The following WDR33 variants were observed in gnomAD, a reference collection of about 807,000 sequenced individuals.
WDR33 encodes the protein pre-mRNA 3' end processing protein WDR33.
Under a neutral mutation model 164.9 loss-of-function variants are expected in WDR33, and 47 were observed. That is an observed-to-expected ratio of 0.29 (90% CI 0.23 to 0.36). The LOEUF (loss-of-function observed/expected upper bound fraction) is 0.36, where lower values mean the gene tolerates loss of function less well. Among genes scored for constraint, WDR33 ranks in the 10% least tolerant of loss-of-function variants. The pLI is 1.00. For synonymous variants in WDR33, 505 were observed against 589.0 expected, an observed-to-expected ratio of 0.86 and a Z score of 2.06; for missense variants, 1,137 against 1,754.1, an observed-to-expected ratio of 0.65 and a Z score of 6.28.
At chr2:127,725,925 A>G (rs1484242225) in intron 8 of WDR33, among the ~76,000 whole-genome samples, 3 of 152,138 alleles carry the variant, frequency 2.0e-5, no homozygotes, top group Non-Finnish European at 2.9e-5. Context: ...ATAAAAATGG[A>G]CTGGAAAGTC....
chr2:127,726,867 GCT>G lies in WDR33; in HGVS notation c.725-92_725-91del. On this transcript the variant is annotated intron_variant, in intron 7 of 21. Transcript: ENST00000322313. This position sits in a 1 kb window ranked among gnomAD's most constrained non-coding sequence, Gnocchi z 4.8. The stretch of plus-strand genomic sequence containing the variant: ...AGTAGAGAAACCTAGTAAATGTTTT[GCT>G]CTCAGTGCTCAGTCAACTTAAAACT... The G allele has an allele frequency of 2.6e-6, 4 of 1,513,514 alleles. No homozygotes were observed. The highest frequency in any genetic ancestry group is 3.6e-6 in the Non-Finnish European group (4 of 1,116,780). The allele number at this position is 1,513,514 out of a possible 1,614,324, so 93.8% of individuals were successfully genotyped here.
intron 7 of WDR33, among the ~76,000 whole-genome samples, chr2:127,749,383 C>T (rs895296732): frequency 1.3e-5 from 2 of 151,992 alleles, no homozygotes; most frequent in African/African-American, 4.8e-5. Context: ...ACCATAAGGG[C>T]AGGTGTGGTG....
rs746876310 is a variant in WDR33 at position 127,708,859 on chromosome 2, C to A, written c.3599G>T (p.Arg1200Leu). 1.3e-6 allele frequency: 2 copies of A among 1,588,990 alleles called. No individual in the cohort carries two copies. Among genetic ancestry groups the A allele is most frequent in the South Asian group, 1.1e-5 (1 of 88,570 alleles). ...PGHEHFRDTP[R>L]PDHPPHDGHS... ...ACCGTCGTGAGGGGGATGATCAGGG[C>A]GGGGAGTATCACGAAAATGTTCATG... Residue 1200 changes from arginine (R) to leucine (L), a missense_variant, in exon 21 of 22, where the codon CGC becomes CTC. This residue lies in a region of WDR33 where 867 missense variants were observed against 1,073.0 expected (regional missense o/e 0.81). Transcript: ENST00000322313. The surrounding 1 kb of genome is among the most constrained non-coding windows in gnomAD (Gnocchi z 6.7).
chr2:127,781,825 C>A (rs1417096888), intron 1 of WDR33, among the ~76,000 whole-genome samples: 1 of 151,360 alleles, frequency 6.6e-6, no homozygotes, highest in Non-Finnish European at 1.5e-5. Flanking sequence ...ATGGAGAAAC[C>A]CCGTCTCTAC....
chr2:127,720,740 T>C lies in WDR33; in HGVS notation c.1672-387A>G, dbSNP rs1558923628. Reference sequence around the variant, plus strand: ...CCACCACACCCAGCTAATTATTATTTGTAGAGACAGGGTCTTGCTATATTG... The same window carrying C: ...CCACCACACCCAGCTAATTATTATTCGTAGAGACAGGGTCTTGCTATATTG... On this transcript the variant is annotated intron_variant, in intron 15 of 21. Transcript: ENST00000322313. The surrounding 1 kb of genome is among the most constrained non-coding windows in gnomAD (Gnocchi z 5.9). 6.6e-6 allele frequency among the ~76,000 whole-genome samples: 1 copy of C among 152,168 alleles called. No homozygotes were observed. The highest frequency in any genetic ancestry group is 2.4e-5 in the African/African-American group (1 of 41,432).
At chr2:127,715,197 T>G (rs1316159968) in intron 17 of WDR33, among the ~76,000 whole-genome samples, 2 of 150,698 alleles carry the variant, frequency 1.3e-5, no homozygotes, top group Non-Finnish European at 1.5e-5. Flanking sequence ...ATTCAAGCGA[T>G]TCTCCTGCTT....
rs1402608517 is a variant in WDR33, at chr2:127,763,919, A to C, written c.627-760T>G. 6.1e-6 allele frequency: 6 copies of C among 985,660 alleles called. No individual in the cohort carries two copies. Among genetic ancestry groups the C allele is most frequent in the Non-Finnish European group, 7.2e-6 (6 of 830,196 alleles). 61.1% of individuals were successfully genotyped at this position (985,660 alleles called of 1,614,324 possible). A position where few individuals can be genotyped will look rare whatever the true frequency, so the allele number is the denominator to read the frequency against. On this transcript the variant is annotated intron_variant, in intron 6 of 21. Coordinates refer to ENST00000322313, the MANE Select transcript of WDR33 (RefSeq NM_018383.5). The surrounding 1 kb of genome is among the most constrained non-coding windows in gnomAD (Gnocchi z 4.5). ...ATGTATGGGCATGACACTAAGGCAA[A>C]ATCTACAAAGCAGAAGCATGTTCAT...
rs537002323 is a variant in WDR33 at position 127,721,339 on chromosome 2, C to T, written c.1671+497G>A. ...ACCATGCTGGTCTCAAACTCCTGATCTCAGGTGATCTGTCTGCCTCGGCCT... is the reference window on the plus strand; with the variant it reads ...ACCATGCTGGTCTCAAACTCCTGATTTCAGGTGATCTGTCTGCCTCGGCCT... On this transcript the variant is annotated intron_variant, in intron 15 of 21. Transcript: ENST00000322313. The surrounding 1 kb of genome is among the most constrained non-coding windows in gnomAD (Gnocchi z 4.9). Among the ~76,000 whole-genome samples, 2 of 152,056 alleles carry T rather than the reference C, an allele frequency of 1.3e-5. No individual in the cohort carries two copies. Among genetic ancestry groups the T allele is most frequent in the South Asian group, 4.2e-4 (2 of 4,812 alleles).
chr2:127,739,186 T>G (rs1351588738), intron 7 of WDR33, among the ~76,000 whole-genome samples: 1 of 152,172 alleles, frequency 6.6e-6, no homozygotes, highest in Non-Finnish European at 1.5e-5. Context: ...GAGGAAATGA[T>G]GAGAGAGCAA....
Position 127,763,337 on chromosome 2 carries a change from A to C in WDR33, c.627-178T>G. ...CTAACATAGGCATCTCATCAAAAGA[A>C]GACTTCAACAGAGCAGTTGTTTGAG... On this transcript the variant is annotated intron_variant, in intron 6 of 21. Coordinates refer to ENST00000322313, the MANE Select transcript of WDR33 (RefSeq NM_018383.5). This position sits in a 1 kb window ranked among gnomAD's most constrained non-coding sequence, Gnocchi z 4.5. 1.4e-6 allele frequency: 2 copies of C among 1,421,926 alleles called. No homozygotes were observed. The highest frequency in any genetic ancestry group is 1.8e-6 in the Non-Finnish European group (2 of 1,089,976). 88.1% of individuals were successfully genotyped at this position (1,421,926 alleles called of 1,614,324 possible).
At chr2:127,761,196 A>G (rs1362515803) in intron 7 of WDR33, among the ~76,000 whole-genome samples, 1 of 151,786 alleles carries the variant, frequency 6.6e-6, no homozygotes, top group African/African-American at 2.4e-5. Flanking sequence ...TTGTTTTAAT[A>G]CTCTAGAATT....
chr2:127,781,552 T>C (rs1014791270), intron 1 of WDR33, among the ~76,000 whole-genome samples: 1 of 152,194 alleles, frequency 6.6e-6, no homozygotes, highest in Non-Finnish European at 1.5e-5. Context: ...CAATTTGTTA[T>C]CATTGGGAGA....
rs2105363236 is a variant in WDR33, at chr2:127,701,475, C to G, written c.*4848G>C. The G allele has an allele frequency of 8.0e-7, 1 of 1,246,194 alleles. No homozygotes were observed. Among genetic ancestry groups the G allele is most frequent in the Non-Finnish European group, 1.0e-6 (1 of 991,786 alleles). 77.2% of individuals were successfully genotyped at this position (1,246,194 alleles called of 1,614,324 possible). Reference sequence around the variant, plus strand: ...CCGCCCGAAGACCGAACCGCTTCAGCGGAGGGCCGGAAGTGAGCCGCAGCT... The same window carrying G: ...CCGCCCGAAGACCGAACCGCTTCAGGGGAGGGCCGGAAGTGAGCCGCAGCT... On this transcript the variant is annotated 3_prime_UTR_variant, in exon 22 of 22. Transcript: ENST00000322313.
rs1172771609 is a variant in WDR33 at position 127,797,537 on chromosome 2, A to ATGAAATGT, written c.-24+13467_-24+13474dup. ...CCAAAAAACCCCTCCAAGCTATATT[A>ATGAAATGT]TGAAATGTTTTAGTGGCTTTTTTTG... On this transcript the variant is annotated intron_variant, in intron 1 of 21. Transcript: ENST00000322313. 1.1e-4 allele frequency among the ~76,000 whole-genome samples: 16 copies of ATGAAATGT among 152,318 alleles called. No individual in the cohort carries two copies. In the South Asian group the frequency reaches 2.9e-3, roughly 28 times the overall value.
In WDR33 at chr2:127,709,774, C is replaced by T. The variant is rs142686600; in HGVS notation, c.3391G>A (p.Gly1131Ser). ...RDGFPGPEDF[G>S]PEENFDASEE... Reference sequence around the variant, plus strand: ...GAAGCATCAAAATTCTCCTCTGGACCAAAGTCTTCAGGACCAGGAAAACCA... The same window carrying T: ...GAAGCATCAAAATTCTCCTCTGGACTAAAGTCTTCAGGACCAGGAAAACCA... The change falls in exon 19 of 22, where the codon GGT (glycine) becomes AGT (serine). Residue 1131 changes from glycine (G) to serine (S), a missense_variant. By Grantham distance (56) the Gly-to-Ser change is moderately conservative. Coordinates refer to ENST00000322313, the MANE Select transcript of WDR33 (RefSeq NM_018383.5). The surrounding 1 kb of genome is among the most constrained non-coding windows in gnomAD (Gnocchi z 5.0). The T allele has an allele frequency of 5.6e-6, 9 of 1,614,100 alleles. No homozygotes were observed. The African/African-American group carries it at 1.2e-4, about 22-fold the overall frequency.
intron 7 of WDR33, among the ~76,000 whole-genome samples, chr2:127,760,305 C>A (rs1373402727): frequency 6.6e-6 from 1 of 152,176 alleles, no homozygotes; most frequent in South Asian, 2.1e-4. Flanking sequence ...ACTTGATACA[C>A]AACACTAACA....
chr2:127,751,112 G>C (rs1037249285), intron 7 of WDR33, among the ~76,000 whole-genome samples: 2 of 151,940 alleles, frequency 1.3e-5, no homozygotes, highest in African/African-American at 4.8e-5. Context: ...TATAATCTCA[G>C]TACTTTGGAA....
intron 7 of WDR33, among the ~76,000 whole-genome samples, chr2:127,751,652 T>C (rs867156905): frequency 8.5e-5 from 13 of 152,200 alleles, no homozygotes; most frequent in Middle Eastern, 3.4e-3. Flanking sequence ...GATTTAACTA[T>C]TGCAAAAAAA....
At position 127,744,499 on chromosome 2, in the gene WDR33, C is replaced by T. The variant is rs1687113188; in HGVS notation, c.725-17722G>A. On this transcript the variant is annotated intron_variant, in intron 7 of 21. Coordinates refer to ENST00000322313, the MANE Select transcript of WDR33 (RefSeq NM_018383.5). The stretch of plus-strand genomic sequence containing the variant: ...GAATATACGTAGTATAATCTCCTTT[C>T]ATGTAGTGATTTTTAAAAGCATCTT... Among the ~76,000 whole-genome samples, 5 of 152,182 alleles carry T rather than the reference C, an allele frequency of 3.3e-5. No individual in the cohort carries two copies. In the South Asian group the frequency reaches 1.0e-3, roughly 32 times the overall value.
Sources: gnomAD v4.1 joint callset for allele counts (sites outside exome capture counted in the v4.1 genomes callset) on GRCh38, gnomAD v4.1.1 for gene constraint, gnomAD v4.1.1 regional missense constraint, Gnocchi (gnomAD v3.1) non-coding constraint, MANE v1.5 for transcripts, NCBI Gene and HGNC (gene_info 2026-07-23, HGNC 2026-07-21) for gene names.